SLC25A48: variants seen among roughly 807,000 people sequenced by gnomAD.
The protein encoded by SLC25A48 is CTC-321K16.1.
In SLC25A48, 29 loss-of-function variants were observed where a neutral mutation model predicts 32.2. The ratio of observed to expected loss-of-function variants is 0.90; its 90% CI spans 0.67 to 1.23. The LOEUF (loss-of-function observed/expected upper bound fraction) is 1.23, where lower values mean the gene tolerates loss of function less well. Ranked by LOEUF, SLC25A48 falls within the 50% of genes most tolerant of loss-of-function variation. The probability of loss-of-function intolerance (pLI) is 0.00; values close to 1 mark genes in which losing one functional copy is unlikely to be tolerated. For missense variants in SLC25A48, 399 were observed against 422.7 expected (o/e 0.94, Z 0.49); for synonymous variants, 164 against 172.3 (o/e 0.95, Z 0.38).
intron 3 of SLC25A48, among the ~76,000 whole-genome samples, chr5:135,723,252 T>G (rs1407726019): frequency 6.6e-6 from 1 of 152,196 alleles, no homozygotes; most frequent in African/African-American, 2.4e-5. Context: ...GGGTTTTCAT[T>G]GGCGAATCAA....
chr5:135,691,666 G>T (rs567643158), intron 3 of SLC25A48, among the ~76,000 whole-genome samples: 2 of 152,244 alleles, frequency 1.3e-5, no homozygotes, highest in South Asian at 2.1e-4. Flanking sequence ...TGCTCTTTTT[G>T]CAAGATTCCT....
At chr5:135,861,445 T>A (rs1335729078) in intron 4 of SLC25A48, among the ~76,000 whole-genome samples, 1 of 152,170 alleles carries the variant, frequency 6.6e-6, no homozygotes, top group Non-Finnish European at 1.5e-5. Context: ...ACAGCTCACC[T>A]AATGTCACCA....
intron 2 of SLC25A48, among the ~76,000 whole-genome samples, chr5:135,631,020 A>G (rs144650485): frequency 9.8e-4 from 149 of 152,308 alleles, no homozygotes; most frequent in African/African-American, 3.4e-3. Flanking sequence ...GATAGAAGAC[A>G]TGGAATATGC....
intron 4 of SLC25A48, among the ~76,000 whole-genome samples, chr5:135,870,325 G>A (rs926620091): frequency 6.6e-6 from 1 of 152,180 alleles, no homozygotes; most frequent in African/African-American, 2.4e-5. Flanking sequence ...TATCTGCACT[G>A]GGTCTGGAAG....
intron 6 of SLC25A48, among the ~76,000 whole-genome samples, chr5:135,876,701 T>C (rs1222070825): frequency 6.6e-6 from 1 of 152,220 alleles, no homozygotes; most frequent in Admixed American, 6.5e-5. Flanking sequence ...TATATGTGTA[T>C]GTACATATCT....
At chr5:135,689,264 G>A (rs75437026) in intron 3 of SLC25A48, among the ~76,000 whole-genome samples, 1,887 of 152,224 alleles carry the variant, frequency 0.012, 47 homozygotes, top group African/African-American at 0.044. Context: ...GTCTTAAGAG[G>A]GAATCTACAG....
intron 1 of SLC25A48, among the ~76,000 whole-genome samples, chr5:135,597,382 G>C (rs1308731164): frequency 6.6e-6 from 1 of 152,200 alleles, no homozygotes; most frequent in Non-Finnish European, 1.5e-5. Context: ...CTCCAGGTTA[G>C]GGCTACCTGC....
chr5:135,858,448 G>A (rs1760512872), intron 4 of SLC25A48, among the ~76,000 whole-genome samples: 1 of 152,204 alleles, frequency 6.6e-6, no homozygotes, highest in African/African-American at 2.4e-5. Flanking sequence ...AATAAGAATG[G>A]TCTTGGCAGT....
At chr5:135,631,718 G>T (rs1037899691) in intron 2 of SLC25A48, among the ~76,000 whole-genome samples, 1 of 152,146 alleles carries the variant, frequency 6.6e-6, no homozygotes, top group Non-Finnish European at 1.5e-5. Context: ...AGTGGAACAG[G>T]GCTACTCCAG....
At chr5:135,746,817 C>T (rs577076676) in intron 3 of SLC25A48, among the ~76,000 whole-genome samples, 11 of 152,218 alleles carry the variant, frequency 7.2e-5, no homozygotes, top group East Asian at 3.9e-4. Context: ...CCTGGAGTTA[C>T]GTCTCTTTGG....
chr5:135,817,422 G>A (rs6877036), intron 4 of SLC25A48, among the ~76,000 whole-genome samples: 115,531 of 152,188 alleles, frequency 0.76, 44,351 homozygotes, highest in Middle Eastern at 0.86. Flanking sequence ...AAATATGCCA[G>A]TGTATATCAA....
intron 3 of SLC25A48, chr5:135,653,934 C>G (rs1258316883): frequency 1.1e-5 from 5 of 456,050 alleles, no homozygotes; most frequent in Non-Finnish European, 1.8e-5. Context: ...GTTGTTCTCT[C>G]TGGGGCTGGG....
chr5:135,850,428 C>T lies in SLC25A48; in HGVS notation c.94C>T (p.Arg32Cys), dbSNP rs754025576. 3 of 1,614,042 alleles carry T rather than the reference C, an allele frequency of 1.9e-6. No individual in the cohort carries two copies. The highest frequency in any genetic ancestry group is 2.2e-5 in the East Asian group (1 of 44,884). ...VGHPLDTVKT[R>C]LQAGVGYGNT... Reference sequence around the variant, plus strand: ...ATGTCCTTGCCTCTCTCCATAGACTCGCCTGCAGGCTGGCGTTGGCTACGG... The same window carrying T: ...ATGTCCTTGCCTCTCTCCATAGACTTGCCTGCAGGCTGGCGTTGGCTACGG... The change falls in exon 3 of 8, where the codon CGC becomes TGC. Residue 32 changes from arginine to cysteine, a missense_variant. By Grantham distance (180) the Arg-to-Cys change is radical. Coordinates refer to ENST00000681962, the MANE Select transcript of SLC25A48 (RefSeq NM_001349336.2).
intron 7 of SLC25A48, among the ~76,000 whole-genome samples, chr5:135,887,452 A>ATG (rs372688192): frequency 0.074 from 11,121 of 149,694 alleles, 518 homozygotes; most frequent in African/African-American, 0.13. Context: ...AAAAATACAT[A>ATG]TGTGTGTGTG....
intron 3 of SLC25A48, among the ~76,000 whole-genome samples, chr5:135,809,944 C>T (rs1489746554): frequency 1.3e-5 from 2 of 152,142 alleles, no homozygotes; most frequent in Non-Finnish European, 2.9e-5. Flanking sequence ...CTCAAGCGAT[C>T]CTCCTGCCTC....
chr5:135,591,994 T>G (rs191945104), intron 1 of SLC25A48, among the ~76,000 whole-genome samples: 1 of 152,030 alleles, frequency 6.6e-6, no homozygotes, highest in African/African-American at 2.4e-5. Flanking sequence ...ATGGGAGACT[T>G]TGTAGTATGA....
chr5:135,736,057 G>C (rs904268940), intron 3 of SLC25A48, among the ~76,000 whole-genome samples: 1 of 152,086 alleles, frequency 6.6e-6, no homozygotes, highest in Admixed American at 6.5e-5. Context: ...GCTCAGCCTG[G>C]CGATGAGCAG....
chr5:135,763,764 T>TACAC lies in SLC25A48; in HGVS notation c.-520-48736_-520-48733dup, dbSNP rs56030521. On this transcript the variant is annotated intron_variant, in intron 3 of 10. Transcript: ENST00000646290. Reference sequence around the variant, plus strand: ...AACCGGAGAAATAGGAACACACACATACACACACACACACACACACACACA... The same window carrying TACAC: ...AACCGGAGAAATAGGAACACACACATACACACACACACACACACACACACACACA... 3.8e-3 allele frequency among the ~76,000 whole-genome samples: 477 copies of TACAC among 125,730 alleles called. 2 individuals are homozygous for TACAC. Among genetic ancestry groups the TACAC allele is most frequent in the African/African-American group, 0.01 (375 of 36,834 alleles). 82.5% of individuals were successfully genotyped at this position (125,730 alleles called of 152,430 possible). A position where few individuals can be genotyped will look rare whatever the true frequency, so the allele number is the denominator to read the frequency against.
At chr5:135,627,924 G>T (rs1752474478) in intron 1 of SLC25A48, among the ~76,000 whole-genome samples, 1 of 152,094 alleles carries the variant, frequency 6.6e-6, no homozygotes. Flanking sequence ...TTGGGGGTGG[G>T]GACTGGGGCC....
Sources: gnomAD v4.1 joint callset for allele counts (sites outside exome capture counted in the v4.1 genomes callset) on GRCh38, gnomAD v4.1.1 for gene constraint, MANE v1.5 for transcripts, NCBI Gene and HGNC (gene_info 2026-07-23, HGNC 2026-07-21) for gene names.